ENTPD5: variants seen among roughly 807,000 people sequenced by gnomAD.
ENTPD5 encodes the protein ectonucleoside triphosphate diphosphohydrolase 5 (inactive), also known as nucleoside diphosphate phosphatase ENTPD5.
A neutral mutation model predicts 60.2 loss-of-function variants in ENTPD5; 49 were observed. That is an observed-to-expected ratio of 0.81 (90% CI 0.65 to 1.03). ENTPD5 has a LOEUF of 1.03. ENTPD5 is among the 50% of genes least tolerant of loss of function. ENTPD5 has a pLI of 0.00. For missense variants in ENTPD5, 480 were observed against 507.6 expected (o/e 0.95, Z 0.52); for synonymous variants, 187 against 185.4 (o/e 1.01, Z -0.07).
At chr14:73,989,253 A>C (rs1380407130) in intron 3 of ENTPD5, among the ~76,000 whole-genome samples, 2 of 151,960 alleles carry the variant, frequency 1.3e-5, no homozygotes, top group African/African-American at 2.4e-5. Context: ...ACATAGCGAG[A>C]GCCCTGTCTC....
At chr14:74,003,697 T>C (rs766319814) in intron 3 of ENTPD5, among the ~76,000 whole-genome samples, 7 of 152,138 alleles carry the variant, frequency 4.6e-5, no homozygotes, top group Non-Finnish European at 8.8e-5. Flanking sequence ...TGGGACATTC[T>C]GGACTATTTC....
intron 3 of ENTPD5, among the ~76,000 whole-genome samples, chr14:74,003,928 T>C (rs897667919): frequency 6.6e-6 from 1 of 150,996 alleles, no homozygotes; most frequent in Non-Finnish European, 1.5e-5. Flanking sequence ...AAAACCCTAT[T>C]AAAAAAAATT....
chr14:74,004,567 A>G (rs2058612604), intron 3 of ENTPD5, among the ~76,000 whole-genome samples: 1 of 152,184 alleles, frequency 6.6e-6, no homozygotes, highest in Admixed American at 6.6e-5. Context: ...CTGGGGCTGC[A>G]GTCAATCTGA....
At chr14:73,995,048 A>ATT (rs35990462) in intron 3 of ENTPD5, among the ~76,000 whole-genome samples, 273 of 144,572 alleles carry the variant, frequency 1.9e-3, no homozygotes, top group Middle Eastern at 3.5e-3. Context: ...GCCAGGCAGA[A>ATT]TTTTTTTTTT....
Position 73,966,585 on chromosome 14 carries a change from T to C in ENTPD5, c.*343A>G, listed in dbSNP as rs1044199442. On this transcript the variant is annotated 3_prime_UTR_variant, in exon 16 of 16. Coordinates refer to ENST00000334696, the MANE Select transcript of ENTPD5 (RefSeq NM_001249.5). ...GGTCTTGGGATTGCAATAAGTCAGT[T>C]TACCATTTAAGAGGAAAATTTAAAT... 2.8e-5 allele frequency: 6 copies of C among 212,458 alleles called. No homozygotes were observed. Among genetic ancestry groups the C allele is most frequent in the Admixed American group, 5.5e-5 (1 of 18,262 alleles). 13.2% of individuals were successfully genotyped at this position (212,458 alleles called of 1,614,324 possible).
intron 3 of ENTPD5, among the ~76,000 whole-genome samples, chr14:73,998,868 G>C (rs1046814401): frequency 1.3e-5 from 2 of 152,142 alleles, no homozygotes; most frequent in African/African-American, 4.8e-5. Context: ...AAGTTGAAGA[G>C]ATAGATTGAG....
chr14:73,993,752 CTGTG>C (rs1240881142), intron 3 of ENTPD5, among the ~76,000 whole-genome samples: 1 of 151,648 alleles, frequency 6.6e-6, no homozygotes, highest in Non-Finnish European at 1.5e-5. Context: ...TTTCCTTCCT[CTGTG>C]TGACTGCAGT....
chr14:74,007,804 G>C (rs961239185), intron 3 of ENTPD5: 1 of 150,162 alleles, frequency 6.7e-6, no homozygotes, highest in Non-Finnish European at 1.5e-5. Flanking sequence ...CTCGGTGACA[G>C]AGTGAGACCT....
intron 2 of ENTPD5, among the ~76,000 whole-genome samples, chr14:74,013,245 A>T (rs1359502797): frequency 3.3e-5 from 5 of 152,180 alleles, no homozygotes; most frequent in Non-Finnish European, 7.3e-5. Flanking sequence ...TATTTTAAGC[A>T]TACTCTGAAT....
At position 73,983,159 on chromosome 14, in the gene ENTPD5, A is replaced by G. The variant is rs933744690; in HGVS notation, c.300T>C (p.Gly100=). The change falls in exon 6 of 16, where the codon GGT becomes GGC. Residue 100 remains glycine (G), a splice_region_variant and synonymous_variant. Transcript: ENST00000334696. ...CTAAGAGCCCTTGAACGGTCTCAGC[A>G]CCCTTCAAAAGAGATAACCCGTTCA... The part of the protein sequence containing the change: ...LSAFVDQPKQ[G]AETVQGLLEV... The G allele has an allele frequency of 1.2e-6, 2 of 1,611,812 alleles. No homozygotes were observed. The highest frequency in any genetic ancestry group is 2.7e-5 in the African/African-American group (2 of 74,804).
chr14:73,968,296 G>A (rs1478430451), intron 15 of ENTPD5, among the ~76,000 whole-genome samples: 1 of 152,082 alleles, frequency 6.6e-6, no homozygotes, highest in Non-Finnish European at 1.5e-5. Flanking sequence ...GTTTTCTTCA[G>A]AATTTTAGGG....
At chr14:73,972,052 G>T (rs762839921) in intron 13 of ENTPD5, 144 bp from the exon 14 acceptor site, 8 of 641,220 alleles carry the variant, frequency 1.2e-5, no homozygotes, top group Non-Finnish European at 2.2e-5. Context: ...TCCATGTTAT[G>T]TATATTTAAC....
downstream of ENTPD5, among the ~76,000 whole-genome samples, chr14:73,962,394 G>A (rs2056784755): frequency 6.6e-6 from 1 of 152,170 alleles, no homozygotes. Flanking sequence ...TGTATAAAAA[G>A]GGCTTAAAAA....
chr14:74,008,481 C>T (rs192755970), intron 3 of ENTPD5, among the ~76,000 whole-genome samples: 14 of 151,846 alleles, frequency 9.2e-5, no homozygotes, highest in East Asian at 5.8e-4. Flanking sequence ...CTCCGCCTCC[C>T]GCAGGTTCAC....
chr14:73,987,620 G>A (rs1262673328), intron 4 of ENTPD5, among the ~76,000 whole-genome samples: 1 of 152,020 alleles, frequency 6.6e-6, no homozygotes, highest in Non-Finnish European at 1.5e-5. Context: ...TTGCAGTGAT[G>A]TGTCATCATG....
rs116705648 is a variant in ENTPD5, at chr14:73,990,629, G to A, written c.-70-2457C>T. 6.1e-3 allele frequency among the ~76,000 whole-genome samples: 928 copies of A among 151,708 alleles called. 12 individuals carry two copies. Among genetic ancestry groups the A allele is most frequent in the African/African-American group, 0.021 (890 of 41,412 alleles). ...CAGGCATGAGCCACTTCACCCAGCC[G>A]GATTTGTTTTACTGGAAAATAATTT... On this transcript the variant is annotated intron_variant, in intron 3 of 15. Transcript: ENST00000334696.
At chr14:73,995,438 T>C (rs2058307448) in intron 3 of ENTPD5, among the ~76,000 whole-genome samples, 1 of 151,962 alleles carries the variant, frequency 6.6e-6, no homozygotes, top group Admixed American at 6.6e-5. Flanking sequence ...GAATGAATAC[T>C]CCAAAGGGAT....
At chr14:73,997,376 T>C (rs2058371243) in intron 3 of ENTPD5, among the ~76,000 whole-genome samples, 1 of 152,092 alleles carries the variant, frequency 6.6e-6, no homozygotes. Flanking sequence ...GATAAAATAA[T>C]ACAGTATCTC....
rs1163604858 is a variant in ENTPD5 at position 73,988,198 on chromosome 14, A to AT, written c.-70-27_-70-26insA. ...CTTATAGGACAAAGACACACAAGTT[A>AT]GACCAACTAGCTTTTTTAGTTACAC... On this transcript the variant is annotated intron_variant, in intron 3 of 15. Coordinates refer to ENST00000334696, the MANE Select transcript of ENTPD5 (RefSeq NM_001249.5). 11 of 1,473,438 alleles carry AT rather than the reference A, an allele frequency of 7.5e-6. No homozygotes were observed. In the African/African-American group the frequency reaches 1.6e-4, roughly 21 times the overall value. The allele number at this position is 1,473,438 out of a possible 1,614,324, so 91.3% of individuals were successfully genotyped here.
Sources: gnomAD v4.1 joint callset for allele counts (sites outside exome capture counted in the v4.1 genomes callset) on GRCh38, gnomAD v4.1.1 for gene constraint, MANE v1.5 for transcripts, NCBI Gene and HGNC (gene_info 2026-07-23, HGNC 2026-07-21) for gene names.